Variants in ZNF823 observed in about 807,000 individuals in gnomAD.
The protein encoded by ZNF823 is ZFP 36 for a zinc finger protein.
In ZNF823, 5 loss-of-function variants were observed where a neutral mutation model predicts 11.4. That is an observed-to-expected ratio of 0.44 (90% CI 0.23 to 0.92). The LOEUF is 0.92. ZNF823 is among the 40% of genes least tolerant of loss of function. ZNF823 has a pLI of 0.24. For missense variants in ZNF823, 582 were observed against 738.5 expected (o/e 0.79, Z 2.46); for synonymous variants, 234 against 250.5 (o/e 0.93, Z 0.62).
chr19:11,725,278 C>G lies in ZNF823; in HGVS notation c.53G>C (p.Trp18Ser). ...CTTCTGTGATGGACCCAGCAAAGCC[C>G]ACTCCTCTTGTGTGAAGTTCACAGC... ...DVAVNFTQEE[W>S]ALLGPSQKSL... Residue 18 changes from tryptophan (W) to serine (S), a missense_variant, in exon 2 of 4, where the codon TGG becomes TCG. Transcript: ENST00000341191. The G allele has an allele frequency of 6.2e-7, 1 of 1,614,100 alleles. No individual in the cohort carries two copies. Among genetic ancestry groups the G allele is most frequent in the Non-Finnish European group, 8.5e-7 (1 of 1,180,004 alleles).
At chr19:11,727,092 C>T (rs1202204938) in intron 1 of ZNF823, among the ~76,000 whole-genome samples, 2 of 152,142 alleles carry the variant, frequency 1.3e-5, no homozygotes, top group Non-Finnish European at 2.9e-5. Flanking sequence ...CATGTTCTAA[C>T]AAAAAACTCA....
At chr19:11,738,634 C>T (rs186913152) in intron 1 of ZNF823, among the ~76,000 whole-genome samples, 183 bp downstream of exon 1, 1 of 152,240 alleles carries the variant, frequency 6.6e-6, no homozygotes, top group African/African-American at 2.4e-5. Context: ...CGCCCGGGGT[C>T]CCGGCTGCCG....
rs775410890 is a variant in ZNF823, at chr19:11,722,646, C to G, written c.888G>C (p.Arg296Ser). The G allele has an allele frequency of 4.3e-6, 7 of 1,613,800 alleles. No homozygotes were observed. The highest frequency in any genetic ancestry group is 5.9e-6 in the Non-Finnish European group (7 of 1,179,882). ...CATAGGGTTGTTCTCCCGTGTGAGT[C>G]CTTTCATGTAGTCGAGTGTAATAGT... ...SCYYYTRLHE[R>S]THTGEQPYAC... The change falls in exon 4 of 4, where the codon AGG (arginine) becomes AGC (serine). Residue 296 changes from arginine (R) to serine (S), a missense_variant. Transcript: ENST00000341191. This position sits in a 1 kb window ranked among gnomAD's most constrained non-coding sequence, Gnocchi z 5.2.
At chr19:11,729,939 T>C (rs1974862385) in intron 1 of ZNF823, among the ~76,000 whole-genome samples, 3 of 151,900 alleles carry the variant, frequency 2.0e-5, no homozygotes, top group Admixed American at 2.0e-4. Flanking sequence ...TTTTTTTTTT[T>C]TCCTTTGAGA....
intron 1 of ZNF823, among the ~76,000 whole-genome samples, chr19:11,735,682 G>A (rs7257318): frequency 0.084 from 12,688 of 151,844 alleles, 1,151 homozygotes; most frequent in African/African-American, 0.23. Context: ...GTCGCCTCAG[G>A]CTTCTCCACC....
At position 11,722,793 on chromosome 19, in the gene ZNF823, C is replaced by T. The variant is rs776785223; in HGVS notation, c.741G>A (p.Ala247=). 7.6e-5 allele frequency: 123 copies of T among 1,613,986 alleles called. No individual in the cohort carries two copies. The highest frequency in any genetic ancestry group is 6.0e-4 in the African/African-American group (45 of 74,974). Residue 247 remains alanine, a synonymous_variant, in exon 4 of 4, where the codon GCG becomes GCA. Transcript: ENST00000341191. This position sits in a 1 kb window ranked among gnomAD's most constrained non-coding sequence, Gnocchi z 5.2. ...RHERIHTGEK[A]YECKQCSKAF... ...CTTTGGAACACTGCTTACATTCATACGCTTTCTCTCCCGTGTGGATTCTTT... is the reference window on the plus strand; with the variant it reads ...CTTTGGAACACTGCTTACATTCATATGCTTTCTCTCCCGTGTGGATTCTTT...
chr19:11,722,217 A>C lies in ZNF823; in HGVS notation c.1317T>G (p.Thr439=), dbSNP rs371942526. Residue 439 remains threonine, a synonymous_variant, in exon 4 of 4, where the codon ACT becomes ACG. Transcript: ENST00000341191. This position sits in a 1 kb window ranked among gnomAD's most constrained non-coding sequence, Gnocchi z 5.2. ...GSLRRHEATH[T]GVKPYKCQCG... is the part of the protein sequence containing the mutation. ...ACTGACATTTATAGGGTTTCACTCCAGTGTGAGTTGCTTCATGTCTTCGAA... is the reference window on the plus strand; with the variant it reads ...ACTGACATTTATAGGGTTTCACTCCCGTGTGAGTTGCTTCATGTCTTCGAA... 640 of 1,614,036 alleles carry C rather than the reference A, an allele frequency of 4.0e-4. 4 individuals are homozygous for C. The South Asian group carries it at 6.6e-3, about 17-fold the overall frequency.
At position 11,722,291 on chromosome 19, in the gene ZNF823, G is replaced by T. The variant is rs1974700000; in HGVS notation, c.1243C>A (p.Pro415Thr). The stretch of plus-strand genomic sequence containing the variant: ...TTACCACATTGTTTACATTGATAGG[G>T]TTTCTCTCCAGTGTGAGTCCTTTCA... ...RHERTHTGEKPYQCKQCGKAF... is the reference protein window; with the variant it reads ...RHERTHTGEKTYQCKQCGKAF... The change falls in exon 4 of 4, where the codon CCC becomes ACC. Residue 415 changes from proline to threonine, a missense_variant. By Grantham distance (38) the Pro-to-Thr change is conservative. This residue lies in a region of ZNF823 where 429 missense variants were observed against 553.7 expected (regional missense o/e 0.77). Coordinates refer to ENST00000341191, the MANE Select transcript of ZNF823 (RefSeq NM_001080493.4). This position sits in a 1 kb window ranked among gnomAD's most constrained non-coding sequence, Gnocchi z 5.2. 2.5e-6 allele frequency: 4 copies of T among 1,614,142 alleles called. No homozygotes were observed. The highest frequency in any genetic ancestry group is 1.3e-5 in the African/African-American group (1 of 75,050).
At chr19:11,732,252 C>A (rs1383259908) in intron 1 of ZNF823, among the ~76,000 whole-genome samples, 3 of 149,286 alleles carry the variant, frequency 2.0e-5, no homozygotes, top group Non-Finnish European at 3.0e-5. Flanking sequence ...GCAAGCTCCG[C>A]CTCCCGGGCT....
Position 11,723,055 on chromosome 19 carries a change from C to G in ZNF823, c.479G>C (p.Gly160Ala). ...TTCTTTACAATCGAAGGGTTTCTTT[C>G]CGGTGGGGGGCCTTTCATGTGTCTG... ...SFQTHERPPTGKKPFDCKECA... is the reference protein window; with the variant it reads ...SFQTHERPPTAKKPFDCKECA... The change falls in exon 4 of 4, where the codon GGA becomes GCA. Residue 160 changes from glycine to alanine, a missense_variant. By Grantham distance (60) the Gly-to-Ala change is moderately conservative. Coordinates refer to ENST00000341191, the MANE Select transcript of ZNF823 (RefSeq NM_001080493.4). The G allele has an allele frequency of 6.2e-7, 1 of 1,614,188 alleles. No homozygotes were observed. The highest frequency in any genetic ancestry group is 8.5e-7 in the Non-Finnish European group (1 of 1,180,032).
chr19:11,735,761 T>C (rs1974982527), intron 1 of ZNF823, among the ~76,000 whole-genome samples: 2 of 152,112 alleles, frequency 1.3e-5, no homozygotes. Flanking sequence ...TACCCATGTG[T>C]GATGAATCCA....
intron 1 of ZNF823, among the ~76,000 whole-genome samples, chr19:11,728,756 C>G (rs1035454993): frequency 1.3e-5 from 2 of 152,076 alleles, no homozygotes; most frequent in African/African-American, 4.8e-5. Flanking sequence ...AAAAAACAGT[C>G]AAGTATAAGA....
chr19:11,735,821 A>G (rs1037679426), intron 1 of ZNF823, among the ~76,000 whole-genome samples: 3 of 152,222 alleles, frequency 2.0e-5, no homozygotes, highest in Non-Finnish European at 4.4e-5. Flanking sequence ...GAAGAAAACC[A>G]CAACGCATCT....
rs369947785 is a variant in ZNF823, at chr19:11,722,580, G to A, written c.954C>T (p.Ser318=). 5 of 1,614,010 alleles carry A rather than the reference G, an allele frequency of 3.1e-6. No individual in the cohort carries two copies. ...TGTGCCTTATCATGTGTCTTCGAAAGCTTGTGTGATGATAAAACGTTTTCC... is the reference window on the plus strand; with the variant it reads ...TGTGCCTTATCATGTGTCTTCGAAAACTTGTGTGATGATAAAACGTTTTCC... ...QCGKTFYHHT[S]FRRHMIRHTG... Residue 318 remains serine, a synonymous_variant, in exon 4 of 4, where the codon AGC becomes AGT. Transcript: ENST00000341191. This position sits in a 1 kb window ranked among gnomAD's most constrained non-coding sequence, Gnocchi z 5.2.
In ZNF823 at chr19:11,721,780, C is replaced by A; in HGVS notation, c.1754G>T (p.Cys585Phe). The A allele has an allele frequency of 6.2e-7, 1 of 1,614,204 alleles. No homozygotes were observed. Among genetic ancestry groups the A allele is most frequent in the Non-Finnish European group, 8.5e-7 (1 of 1,180,022 alleles). Residue 585 changes from cysteine to phenylalanine, a missense_variant, in exon 4 of 4, where the codon TGT becomes TTT. Physicochemically the swap from Cys to Phe is radical, Grantham distance 205. Around this residue, in one of 3 missense-constraint regions of ZNF823, gnomAD observed 144 missense variants for 154.3 expected, o/e 0.93. Coordinates refer to ENST00000341191, the MANE Select transcript of ZNF823 (RefSeq NM_001080493.4). ...KTHTGEKLYE[C>F]KECGKALSSL... Reference sequence around the variant, plus strand: ...ACTCAATGCTTTCCCACATTCCTTACATTCATACAGCTTCTCTCCAGTGTG... The same window carrying A: ...ACTCAATGCTTTCCCACATTCCTTAAATTCATACAGCTTCTCTCCAGTGTG...
At chr19:11,729,028 A>G (rs1010474994) in intron 1 of ZNF823, among the ~76,000 whole-genome samples, 3 of 152,114 alleles carry the variant, frequency 2.0e-5, no homozygotes, top group Admixed American at 2.0e-4. Context: ...CAAAAAAATT[A>G]GCCAGGCGTG....
chr19:11,726,194 G>A (rs1053105393), intron 1 of ZNF823: 2 of 150,192 alleles, frequency 1.3e-5, no homozygotes, highest in African/African-American at 4.9e-5. Flanking sequence ...AGTGAGCCGT[G>A]ATCATGCCGC....
At chr19:11,738,141 T>C (rs1461770971) in intron 1 of ZNF823, among the ~76,000 whole-genome samples, 1 of 152,136 alleles carries the variant, frequency 6.6e-6, no homozygotes, top group Non-Finnish European at 1.5e-5. Context: ...GAGAGTCAGG[T>C]CACAGCAGAC....
At chr19:11,733,185 G>A (rs1974932338) in intron 1 of ZNF823, among the ~76,000 whole-genome samples, 1 of 151,818 alleles carries the variant, frequency 6.6e-6, no homozygotes. Flanking sequence ...TGGCCAACAT[G>A]GTGAAACCCC....
Sources: gnomAD v4.1 joint callset for allele counts (sites outside exome capture counted in the v4.1 genomes callset) on GRCh38, gnomAD v4.1.1 for gene constraint, gnomAD v4.1.1 regional missense constraint, Gnocchi (gnomAD v3.1) non-coding constraint, MANE v1.5 for transcripts, NCBI Gene and HGNC (gene_info 2026-07-23, HGNC 2026-07-21) for gene names.